The following CAB39L variants were observed in gnomAD, a reference collection of about 807,000 sequenced individuals.
The protein encoded by CAB39L is calcium-binding protein 39-like.
CAB39L carries 23 observed loss-of-function variants against 39.1 expected under a neutral mutation model. That is an observed-to-expected ratio of 0.59 (90% CI 0.42 to 0.83). The LOEUF is 0.83. Among genes scored for constraint, CAB39L ranks in the 40% least tolerant of loss-of-function variants. CAB39L has a pLI of 0.00. For synonymous variants in CAB39L, 126 were observed against 137.2 expected (o/e 0.92, Z 0.57); for missense variants, 366 against 391.9 (o/e 0.93, Z 0.56).
At chr13:49,329,544 A>AAATAT (rs1555252274) in intron 10 of CAB39L, among the ~76,000 whole-genome samples, 1 of 33,836 alleles carries the variant, frequency 3.0e-5, no homozygotes. Context: ...TAAAAAAAAA[A>AAATAT]ATATATATAT....
intron 3 of CAB39L, among the ~76,000 whole-genome samples, chr13:49,384,620 T>G (rs1956319496): frequency 6.6e-6 from 1 of 152,200 alleles, no homozygotes; most frequent in Admixed American, 6.5e-5. Flanking sequence ...TAACTTTTAT[T>G]AGAACAATAT....
chr13:49,433,427 A>G (rs754795824), intron 2 of CAB39L, 34 bp from the exon 3 acceptor site: 17 of 446,190 alleles, frequency 3.8e-5, no homozygotes, highest in Middle Eastern at 3.7e-4. Context: ...ATTAATTTTT[A>G]AAGTCTTTAT....
chr13:49,370,613 T>C (rs1222619362), intron 5 of CAB39L, among the ~76,000 whole-genome samples: 1 of 152,098 alleles, frequency 6.6e-6, no homozygotes, highest in Non-Finnish European at 1.5e-5. Flanking sequence ...ACCATGTGAG[T>C]GGAGAAGGAG....
At chr13:49,346,122 T>TATATATATATATATATATATATATATA (rs1566079395) in intron 7 of CAB39L, among the ~76,000 whole-genome samples, 2 of 118,862 alleles carry the variant, frequency 1.7e-5, no homozygotes, top group East Asian at 5.7e-4. Flanking sequence ...TATATATATA[T>TATATATATATATATATATATATATATA]ATCATGGATA....
At chr13:49,426,416 A>T (rs1324753496) in intron 3 of CAB39L, among the ~76,000 whole-genome samples, 1 of 152,080 alleles carries the variant, frequency 6.6e-6, no homozygotes, top group Non-Finnish European at 1.5e-5. Context: ...TCACCCTAAA[A>T]TATGCTTCTT....
At chr13:49,334,589 T>C (rs923785647) in intron 9 of CAB39L, among the ~76,000 whole-genome samples, 3 of 152,352 alleles carry the variant, frequency 2.0e-5, no homozygotes, top group Admixed American at 2.0e-4. Context: ...TTGACTTTGC[T>C]TTGCCTTGTA....
At chr13:49,416,632 G>A (rs1021847683) in intron 3 of CAB39L, among the ~76,000 whole-genome samples, 2 of 152,238 alleles carry the variant, frequency 1.3e-5, no homozygotes, top group African/African-American at 4.8e-5. Context: ...CTGACTTCAC[G>A]TACTGCCTCT....
At chr13:49,361,231 G>C (rs1373657991) in intron 5 of CAB39L, among the ~76,000 whole-genome samples, 1 of 152,082 alleles carries the variant, frequency 6.6e-6, no homozygotes, top group Non-Finnish European at 1.5e-5. Flanking sequence ...TGTAATCCCA[G>C]CACTTTGGGA....
In CAB39L at chr13:49,433,323, A is replaced by C. The variant is rs1403574430; in HGVS notation, c.-37T>G. The C allele has an allele frequency of 2.2e-6, 1 of 452,978 alleles. No individual in the cohort carries two copies. Among genetic ancestry groups the C allele is most frequent in the African/African-American group, 2.0e-5 (1 of 49,862 alleles). 28.1% of individuals were successfully genotyped at this position (452,978 alleles called of 1,614,324 possible). A position where few individuals can be genotyped will look rare whatever the true frequency, so the allele number is the denominator to read the frequency against. Reference sequence around the variant, plus strand: ...GAGTCATCATACTAGCTTACCTTAGAAGTTGTATATCATTTGCAAATTTGT... The same window carrying C: ...GAGTCATCATACTAGCTTACCTTAGCAGTTGTATATCATTTGCAAATTTGT... On this transcript the variant is annotated 5_prime_UTR_variant, in exon 3 of 11. Transcript: ENST00000409308.
chr13:49,339,652 C>A, intron 9 of CAB39L, 25 bp downstream of exon 9: 1 of 1,545,304 alleles, frequency 6.5e-7, no homozygotes, highest in South Asian at 1.3e-5. Flanking sequence ...TACGGGGACA[C>A]TGACTTAAAG....
intron 3 of CAB39L, among the ~76,000 whole-genome samples, chr13:49,403,097 C>G (rs1053288228): frequency 2.0e-5 from 3 of 152,070 alleles, no homozygotes; most frequent in African/African-American, 4.8e-5. Context: ...GGCACAAAGT[C>G]AAGTCAAGGA....
At chr13:49,426,515 C>T (rs1383246542) in intron 3 of CAB39L, among the ~76,000 whole-genome samples, 6 of 152,184 alleles carry the variant, frequency 3.9e-5, no homozygotes, top group Admixed American at 3.9e-4. Flanking sequence ...CAAGCTCCGC[C>T]TCCCGGGTTC....
At chr13:49,373,550 T>C (rs1162352444) in intron 5 of CAB39L, among the ~76,000 whole-genome samples, 1 of 152,226 alleles carries the variant, frequency 6.6e-6, no homozygotes, top group Non-Finnish European at 1.5e-5. Flanking sequence ...TGAAATCATA[T>C]AATCATCACC....
chr13:49,325,262 A>G (rs1394260036), intron 10 of CAB39L, among the ~76,000 whole-genome samples: 2 of 152,258 alleles, frequency 1.3e-5, no homozygotes, highest in African/African-American at 2.4e-5. Flanking sequence ...GGGTAAAATA[A>G]GATCAAATGA....
chr13:49,439,768 G>A (rs1323196229), intron 1 of CAB39L, among the ~76,000 whole-genome samples: 1 of 151,996 alleles, frequency 6.6e-6, no homozygotes, highest in African/African-American at 2.4e-5. Context: ...TTTTTAGTAA[G>A]AGCCATTCTG....
intron 10 of CAB39L, among the ~76,000 whole-genome samples, chr13:49,317,988 T>C (rs2138340343): frequency 6.6e-6 from 1 of 152,160 alleles, no homozygotes. Flanking sequence ...GATATACAAA[T>C]GGCCAATAAG....
At chr13:49,351,461 T>A (rs1955354695) in intron 6 of CAB39L, among the ~76,000 whole-genome samples, 1 of 151,314 alleles carries the variant, frequency 6.6e-6, no homozygotes, top group Admixed American at 6.6e-5. Flanking sequence ...GAACCGTGAG[T>A]GGTGTGAAAT....
At chr13:49,384,814 A>T (rs533383118) in intron 3 of CAB39L, among the ~76,000 whole-genome samples, 1 of 152,214 alleles carries the variant, frequency 6.6e-6, no homozygotes, top group South Asian at 2.1e-4. Context: ...GGAATATTTT[A>T]TTCTGAGCAG....
chr13:49,329,542 AAAATATATATATATATATAT>A lies in CAB39L; in HGVS notation c.834+2385_834+2404del, dbSNP rs1405825838. On this transcript the variant is annotated intron_variant, in intron 10 of 10. Coordinates refer to ENST00000409308, the MANE Select transcript of CAB39L (RefSeq NM_001079670.3). ...CTACATATCTCTTCAATTAAAAAAA[AAAATATATATATATATATAT>A]ATATATATATATATATATATATATA... Among the ~76,000 whole-genome samples, 365 of 38,424 alleles carry A rather than the reference AAAATATATATATATATATAT, an allele frequency of 9.5e-3. 24 individuals are homozygous for A. Among genetic ancestry groups the A allele is most frequent in the Middle Eastern group, 0.026 (2 of 78 alleles). The allele number at this position is 38,424 out of a possible 152,430, so 25.2% of individuals were successfully genotyped here.
Sources: allele counts gnomAD v4.1 joint callset (sites outside exome capture counted in the v4.1 genomes callset), GRCh38; gene constraint gnomAD v4.1.1; transcripts MANE v1.5; gene names NCBI Gene and HGNC (gene_info 2026-07-23, HGNC 2026-07-21).